TNNI3K: variants seen among roughly 807,000 people sequenced by gnomAD.
The protein encoded by TNNI3K is serine/threonine-protein kinase TNNI3K.
A neutral mutation model predicts 114.5 loss-of-function variants in TNNI3K; 140 were observed. The observed-to-expected ratio is 1.22, with a 90% CI of 1.07 to 1.41. The LOEUF is 1.41. Ranked by LOEUF, TNNI3K falls within the 40% of genes most tolerant of loss-of-function variation. TNNI3K has a pLI of 0.00. For synonymous variants in TNNI3K, 347 were observed against 347.5 expected (o/e 1.00, Z 0.02); for missense variants, 1,125 against 1,007.6 (o/e 1.12, Z -1.58).
At chr1:74,414,265 C>T (rs1266032700) in intron 17 of TNNI3K, among the ~76,000 whole-genome samples, 1 of 152,022 alleles carries the variant, frequency 6.6e-6, no homozygotes, top group Non-Finnish European at 1.5e-5. Context: ...AAATTTATAC[C>T]TTGACATTGT....
chr1:74,526,265 G>A (rs1379212759), intron 23 of TNNI3K, among the ~76,000 whole-genome samples: 2 of 152,042 alleles, frequency 1.3e-5, no homozygotes, highest in Non-Finnish European at 2.9e-5. Flanking sequence ...AACAAAGATG[G>A]CCTTTGAACT....
chr1:74,521,942 T>A (rs1304897368), intron 23 of TNNI3K, among the ~76,000 whole-genome samples: 2 of 152,124 alleles, frequency 1.3e-5, no homozygotes, highest in African/African-American at 4.8e-5. Flanking sequence ...TGGGGCTGCA[T>A]CCAACTGTTG....
rs200491742 is a variant in TNNI3K at position 74,336,017 on chromosome 1, C to T, written c.550C>T (p.Arg184Cys). The change falls in exon 7 of 25, where the codon CGC becomes TGC. Residue 184 changes from arginine to cysteine, a missense_variant. Coordinates refer to ENST00000326637, the MANE Select transcript of TNNI3K (RefSeq NM_015978.3). ...AAYYGHEQVT[R>C]LLLKFGADVN... ...AAATGAATAAATCCTTTAGGTAACT[C>T]GCCTTCTTTTGAAATTTGGTGCTGA... is the stretch of plus-strand genomic sequence containing the variant. The T allele has an allele frequency of 5.0e-5, 79 of 1,570,322 alleles. 1 individual carries two copies. Among genetic ancestry groups the T allele is most frequent in the South Asian group, 4.7e-4 (39 of 82,348 alleles).
chr1:74,280,048 AT>A (rs1416960707), intron 5 of TNNI3K, among the ~76,000 whole-genome samples: 1 of 872 alleles, frequency 1.1e-3, no homozygotes, highest in Admixed American at 0.042. Context: ...ATAACCAAAA[AT>A]CAGGTGATGA....
intron 20 of TNNI3K, among the ~76,000 whole-genome samples, chr1:74,448,981 A>T (rs1292621851): frequency 1.4e-5 from 1 of 72,572 alleles, no homozygotes; most frequent in South Asian, 7.0e-4. Context: ...GCCTCATAAA[A>T]TGAGTTAGGG....
chr1:74,511,385 G>A (rs1470025759), intron 23 of TNNI3K, among the ~76,000 whole-genome samples: 1 of 152,018 alleles, frequency 6.6e-6, no homozygotes, highest in Non-Finnish European at 1.5e-5. Flanking sequence ...TAGAGATAGG[G>A]TTTTGCCATG....
At chr1:74,433,616 C>T (rs1253578306) in intron 17 of TNNI3K, among the ~76,000 whole-genome samples, 1 of 152,034 alleles carries the variant, frequency 6.6e-6, no homozygotes, top group African/African-American at 2.4e-5. Context: ...ACATTTAGAC[C>T]CATTATTGCT....
intron 4 of TNNI3K, among the ~76,000 whole-genome samples, chr1:74,264,240 G>A (rs1655841209): frequency 6.6e-6 from 1 of 150,398 alleles, no homozygotes; most frequent in Non-Finnish European, 1.5e-5. Context: ...GATATCTTTT[G>A]TGAAAATAAA....
intron 4 of TNNI3K, among the ~76,000 whole-genome samples, chr1:74,268,374 G>C (rs1289219866): frequency 6.6e-6 from 1 of 151,810 alleles, no homozygotes; most frequent in Non-Finnish European, 1.5e-5. Flanking sequence ...CCTGTGAACT[G>C]TTTTCTCTGG....
chr1:74,284,592 C>A (rs1254261123), intron 5 of TNNI3K, among the ~76,000 whole-genome samples: 1 of 152,228 alleles, frequency 6.6e-6, no homozygotes, highest in Non-Finnish European at 1.5e-5. Context: ...GCAAGGCACA[C>A]AAAACCTTCT....
chr1:74,530,141 C>T (rs776643564), intron 23 of TNNI3K, among the ~76,000 whole-genome samples: 9 of 152,116 alleles, frequency 5.9e-5, no homozygotes, highest in Admixed American at 2.0e-4. Context: ...TAGGTGTCTA[C>T]GTTTCTATTT....
intron 17 of TNNI3K, among the ~76,000 whole-genome samples, chr1:74,390,180 A>G (rs1663690309): frequency 6.6e-6 from 1 of 152,134 alleles, no homozygotes; most frequent in South Asian, 2.1e-4. Flanking sequence ...GTGTTTTCCT[A>G]AAGGAAAACT....
chr1:74,537,205 T>C lies in TNNI3K; in HGVS notation c.2352-3029T>C, dbSNP rs113826220. ...TTTTGGTGATAAAATATTTATTTCCTATTATCTTGTGTTGCCAAGACTACT... is the reference window on the plus strand; with the variant it reads ...TTTTGGTGATAAAATATTTATTTCCCATTATCTTGTGTTGCCAAGACTACT... On this transcript the variant is annotated intron_variant, in intron 23 of 24. Transcript: ENST00000326637. Among the ~76,000 whole-genome samples, 480 of 152,362 alleles carry C rather than the reference T, an allele frequency of 3.2e-3. 1 individual carries two copies. Among genetic ancestry groups the C allele is most frequent in the Non-Finnish European group, 4.5e-3 (308 of 68,032 alleles).
intron 5 of TNNI3K, among the ~76,000 whole-genome samples, chr1:74,306,506 GT>G (rs1658644411): frequency 6.6e-6 from 1 of 152,168 alleles, no homozygotes; most frequent in African/African-American, 2.4e-5. Flanking sequence ...CAGTCTATAA[GT>G]GTTTCCTTTT....
At chr1:74,381,488 C>T (rs561171374) in intron 17 of TNNI3K, among the ~76,000 whole-genome samples, 59 of 152,232 alleles carry the variant, frequency 3.9e-4, no homozygotes, top group Admixed American at 7.2e-4. Flanking sequence ...TTCTAATGAT[C>T]TAGCTCTCCT....
At chr1:74,403,448 G>A (rs1664468936) in intron 17 of TNNI3K, among the ~76,000 whole-genome samples, 1 of 152,026 alleles carries the variant, frequency 6.6e-6, no homozygotes, top group African/African-American at 2.4e-5. Flanking sequence ...CCGTGTTACT[G>A]CCAAACTTTC....
intron 23 of TNNI3K, among the ~76,000 whole-genome samples, chr1:74,528,601 G>T (rs184479953): frequency 6.6e-6 from 1 of 152,306 alleles, no homozygotes; most frequent in East Asian, 1.9e-4. Context: ...CACTGTCAGA[G>T]AATGGTGTGA....
rs200171980 is a variant in TNNI3K at position 74,439,533 on chromosome 1, G to A, written c.1922G>A (p.Arg641Gln). ...CCTGAGGTGTTCACGCAGTGCACTCGGTACACCATCAAAGCAGATGTCTTC... is the reference window on the plus strand; with the variant it reads ...CCTGAGGTGTTCACGCAGTGCACTCAGTACACCATCAAAGCAGATGTCTTC... Reference protein sequence around the residue: ...MAPEVFTQCTRYTIKADVFSY... With the variant: ...MAPEVFTQCTQYTIKADVFSY... The change falls in exon 20 of 25, where the codon CGG (arginine) becomes CAG (glutamine). Residue 641 changes from arginine to glutamine, a missense_variant. By Grantham distance (43) the Arg-to-Gln change is conservative. Coordinates refer to ENST00000326637, the MANE Select transcript of TNNI3K (RefSeq NM_015978.3). The A allele has an allele frequency of 8.7e-6, 14 of 1,613,296 alleles. No homozygotes were observed. Among genetic ancestry groups the A allele is most frequent in the East Asian group, 4.5e-5 (2 of 44,862 alleles).
chr1:74,357,877 A>C (rs6424587), intron 11 of TNNI3K, among the ~76,000 whole-genome samples: 4 of 152,016 alleles, frequency 2.6e-5, no homozygotes, highest in African/African-American at 9.7e-5. Flanking sequence ...ACAAAGGACC[A>C]GCATGAATCA....
Sources: gnomAD v4.1 joint callset for allele counts (sites outside exome capture counted in the v4.1 genomes callset) on GRCh38, gnomAD v4.1.1 for gene constraint, MANE v1.5 for transcripts, NCBI Gene and HGNC (gene_info 2026-07-23, HGNC 2026-07-21) for gene names.